METTL24: variants seen among roughly 807,000 people sequenced by gnomAD.
The protein encoded by METTL24 is methyltransferase like 24.
In METTL24, 29 loss-of-function variants were observed where a neutral mutation model predicts 32.7. The observed-to-expected ratio is 0.89, with a 90% confidence interval of 0.66 to 1.21. The LOEUF (loss-of-function observed/expected upper bound fraction) is 1.21. Ranked by LOEUF, METTL24 falls within the 50% of genes most tolerant of loss-of-function variation. METTL24 has a pLI of 0.00. For missense variants in METTL24, 439 were observed against 468.1 expected, an observed-to-expected ratio of 0.94 and a Z score of 0.57; for synonymous variants, 163 against 179.5, an observed-to-expected ratio of 0.91 and a Z score of 0.73.
intron 1 of METTL24, among the ~76,000 whole-genome samples, chr6:110,355,313 G>A (rs1175765203): frequency 6.6e-6 from 1 of 152,190 alleles, no homozygotes; most frequent in Non-Finnish European, 1.5e-5. Flanking sequence ...GGGCCTTGCA[G>A]GTAGAGGAGT....
chr6:110,281,357 C>T (rs1236104512), intron 4 of METTL24, among the ~76,000 whole-genome samples: 3 of 152,016 alleles, frequency 2.0e-5, no homozygotes, highest in East Asian at 3.9e-4. Flanking sequence ...GGGGTGATTA[C>T]ATTTAACACA....
rs149605067 is a variant in METTL24 at position 110,304,737 on chromosome 6, G to A, written c.558-5587C>T. 1.7e-3 allele frequency among the ~76,000 whole-genome samples: 253 copies of A among 152,202 alleles called. 2 individuals carry two copies. Among genetic ancestry groups the A allele is most frequent in the African/African-American group, 5.5e-3 (229 of 41,540 alleles). On this transcript the variant is annotated intron_variant, in intron 3 of 4. Coordinates refer to ENST00000338882, the MANE Select transcript of METTL24 (RefSeq NM_001123364.3). Reference sequence around the variant, plus strand: ...ACGAGGAGAATGGAAAACACTTCAGGATATTATCCAGGAGAACTTCCCCAA... The same window carrying A: ...ACGAGGAGAATGGAAAACACTTCAGAATATTATCCAGGAGAACTTCCCCAA...
In METTL24 at chr6:110,317,974, G is replaced by T. The variant is rs994280284; in HGVS notation, c.418-2493C>A. ...GCCTTTTGTAAAGCCCCAGTGAAAGGTTCCAGCCTAGTCACATCTCTGCCT... is the reference window on the plus strand; with the variant it reads ...GCCTTTTGTAAAGCCCCAGTGAAAGTTTCCAGCCTAGTCACATCTCTGCCT... On this transcript the variant is annotated intron_variant, in intron 2 of 4. Coordinates refer to ENST00000338882, the MANE Select transcript of METTL24 (RefSeq NM_001123364.3). Among the ~76,000 whole-genome samples the T allele has an allele frequency of 1.6e-4, 24 of 152,258 alleles. No individual in the cohort carries two copies. In the South Asian group the frequency reaches 5.0e-3, roughly 32 times the overall value.
chr6:110,334,111 AG>A (rs781129415), intron 1 of METTL24, among the ~76,000 whole-genome samples: 18 of 151,506 alleles, frequency 1.2e-4, no homozygotes, highest in East Asian at 3.9e-4. Context: ...AACAGAGGAA[AG>A]GGGGGTCTTC....
intron 4 of METTL24, among the ~76,000 whole-genome samples, chr6:110,294,428 C>T (rs1384771391): frequency 1.3e-5 from 2 of 151,594 alleles, no homozygotes; most frequent in Non-Finnish European, 2.9e-5. Context: ...TAATTATATA[C>T]TTTTTAAATC....
chr6:110,324,316 G>A (rs907128066), intron 1 of METTL24, among the ~76,000 whole-genome samples: 9 of 152,198 alleles, frequency 5.9e-5, no homozygotes, highest in African/African-American at 1.2e-4. Flanking sequence ...TGAGCCTCAC[G>A]CAGTCCCTCT....
chr6:110,297,144 A>G (rs1349809622), intron 4 of METTL24, among the ~76,000 whole-genome samples: 1 of 152,218 alleles, frequency 6.6e-6, no homozygotes, highest in East Asian at 1.9e-4. Context: ...TTTAAAAAAT[A>G]AGTAACCTTA....
At chr6:110,249,542 C>T (rs1778234979) in intron 4 of METTL24, among the ~76,000 whole-genome samples, 1 of 152,032 alleles carries the variant, frequency 6.6e-6, no homozygotes, top group Admixed American at 6.6e-5. Flanking sequence ...CTGTTTCTCA[C>T]ATTTTAAAAC....
chr6:110,290,299 A>T (rs1771296628), intron 4 of METTL24, among the ~76,000 whole-genome samples: 1 of 152,046 alleles, frequency 6.6e-6, no homozygotes, highest in South Asian at 2.1e-4. Flanking sequence ...TCACCCCAAA[A>T]AGTTCCTTTG....
In METTL24 at chr6:110,246,142, G is replaced by C; in HGVS notation, c.905C>G (p.Pro302Arg). Residue 302 changes from proline to arginine, a missense_variant, in exon 5 of 5, where the codon CCT becomes CGT. Transcript: ENST00000338882. ...QLIFEIHLHW[P>R]GFEVSGSDSS... Reference sequence around the variant, plus strand: ...GTCACTGCCACTGACCTCAAACCCAGGCCAGTGGAGATGGATCTCAAAGAT... The same window carrying C: ...GTCACTGCCACTGACCTCAAACCCACGCCAGTGGAGATGGATCTCAAAGAT... 1 of 1,614,132 alleles carries C rather than the reference G, an allele frequency of 6.2e-7. No individual in the cohort carries two copies. The highest frequency in any genetic ancestry group is 8.5e-7 in the Non-Finnish European group (1 of 1,180,022).
At chr6:110,323,046 C>T (rs560696046) in intron 1 of METTL24, among the ~76,000 whole-genome samples, 174 bp from the exon 2 acceptor site, 2 of 152,238 alleles carry the variant, frequency 1.3e-5, no homozygotes, top group African/African-American at 2.4e-5. Context: ...CCACATCAGT[C>T]GCAGGGAGAC....
At chr6:110,320,670 A>T (rs9487376) in intron 2 of METTL24, among the ~76,000 whole-genome samples, 23,956 of 152,116 alleles carry the variant, frequency 0.16, 2,433 homozygotes, top group African/African-American at 0.27. Context: ...ACATCCAGTT[A>T]TCCACCTTCA....
intron 4 of METTL24, among the ~76,000 whole-genome samples, chr6:110,294,359 A>G (rs1771373278): frequency 6.6e-6 from 1 of 152,022 alleles, no homozygotes; most frequent in Non-Finnish European, 1.5e-5. Flanking sequence ...TATGATCCTT[A>G]TCATGTTTAG....
chr6:110,271,980 A>G (rs1192912088), intron 4 of METTL24, among the ~76,000 whole-genome samples: 1 of 152,154 alleles, frequency 6.6e-6, no homozygotes, highest in Admixed American at 6.5e-5. Context: ...TAAATCATTC[A>G]ACAGAGCTTT....
At chr6:110,295,794 A>AAAAGAAAGAAAGGAAGAAAGGAAGGAAGG (rs1771403233) in intron 4 of METTL24, among the ~76,000 whole-genome samples, 48 of 136,312 alleles carry the variant, frequency 3.5e-4, no homozygotes, top group African/African-American at 1.3e-3. Flanking sequence ...AGAAAGAAAG[A>AAAAGAAAGAAAGGAAGAAAGGAAGGAAGG]AAGGAAGGAA....
intron 4 of METTL24, among the ~76,000 whole-genome samples, chr6:110,252,639 T>C (rs889160133): frequency 1.3e-5 from 2 of 152,224 alleles, no homozygotes; most frequent in African/African-American, 4.8e-5. Flanking sequence ...TATGGCAGCC[T>C]GTAGTGTCTC....
chr6:110,306,874 T>C (rs948144161), intron 3 of METTL24, among the ~76,000 whole-genome samples: 7 of 152,196 alleles, frequency 4.6e-5, no homozygotes, highest in African/African-American at 1.7e-4. Flanking sequence ...ACCTCGTTGC[T>C]GATGAGCACA....
intron 4 of METTL24, among the ~76,000 whole-genome samples, chr6:110,295,820 AG>A: frequency 6.6e-6 from 1 of 151,908 alleles, no homozygotes; most frequent in Admixed American, 6.6e-5. Context: ...GAAGGAAGGA[AG>A]GAAGGAAGGA....
intron 4 of METTL24, among the ~76,000 whole-genome samples, chr6:110,284,010 C>A (rs536005126): frequency 6.6e-6 from 1 of 152,306 alleles, no homozygotes; most frequent in African/African-American, 2.4e-5. Context: ...TAACCTAATA[C>A]AATGGAACAT....
Sources: allele counts gnomAD v4.1 joint callset (sites outside exome capture counted in the v4.1 genomes callset), GRCh38; gene constraint gnomAD v4.1.1; transcripts MANE v1.5; gene names NCBI Gene and HGNC (gene_info 2026-07-23, HGNC 2026-07-21).